PLXDC2: variants seen among roughly 807,000 people sequenced by gnomAD.
PLXDC2 encodes plexin domain containing 2.
Under a neutral mutation model 68.9 loss-of-function variants are expected in PLXDC2, and 40 were observed. That is an observed-to-expected ratio of 0.58 (90% confidence interval 0.45 to 0.76). The LOEUF is 0.76. PLXDC2 is among the 30% of genes least tolerant of loss of function. The pLI is 0.00. For synonymous variants in PLXDC2, 243 were observed against 234.2 expected, an observed-to-expected ratio of 1.04 and a Z score of -0.34; for missense variants, 644 against 661.9, an observed-to-expected ratio of 0.97 and a Z score of 0.30.
chr10:20,070,958 G>C (rs1009491651), intron 4 of PLXDC2: 2 of 148,062 alleles, frequency 1.4e-5, no homozygotes, highest in African/African-American at 5.1e-5. Flanking sequence ...CCTTTGTAAA[G>C]ATCCTCAAAA....
At chr10:20,259,559 A>G (rs1467078244) in intron 13 of PLXDC2, among the ~76,000 whole-genome samples, 2 of 152,234 alleles carry the variant, frequency 1.3e-5, no homozygotes, top group Admixed American at 6.5e-5. Flanking sequence ...ACTTCATGTA[A>G]TAACAAACCG....
Position 19,822,121 on chromosome 10 carries a change from A to G in PLXDC2, c.112+4930A>G, listed in dbSNP as rs371258017. ...ATCTTCTTTTTTAAAGCTAAATAATATTCCATTGTGCATATATATGCACTA... is the reference window on the plus strand; with the variant it reads ...ATCTTCTTTTTTAAAGCTAAATAATGTTCCATTGTGCATATATATGCACTA... On this transcript the variant is annotated intron_variant, in intron 1 of 13. Coordinates refer to ENST00000377252, the MANE Select transcript of PLXDC2 (RefSeq NM_032812.9). 3.3e-5 allele frequency among the ~76,000 whole-genome samples: 5 copies of G among 151,316 alleles called. No individual in the cohort carries two copies. The East Asian group carries it at 7.8e-4, about 23-fold the overall frequency.
rs771416347 is a variant in PLXDC2, at chr10:20,068,154, GTGT to G, written c.472-11_472-9del. 3 of 1,603,198 alleles carry G rather than the reference GTGT, an allele frequency of 1.9e-6. No homozygotes were observed. Among genetic ancestry groups the G allele is most frequent in the Non-Finnish European group, 2.6e-6 (3 of 1,171,390 alleles). On this transcript the variant is annotated splice_polypyrimidine_tract_variant and intron_variant, in intron 3 of 13. Transcript: ENST00000377252. ...TACACATTATTGATTTTTTTCTCTG[GTGT>G]TGTTCTTTGCAGAGAGTGAATCTGT...
intron 13 of PLXDC2, among the ~76,000 whole-genome samples, chr10:20,265,430 A>G (rs148024198): frequency 1.3e-4 from 20 of 152,316 alleles, no homozygotes; most frequent in African/African-American, 4.8e-4. Flanking sequence ...TCATTTGGCA[A>G]CAAACATTTT....
At chr10:19,821,470 T>C (rs1404487595) in intron 1 of PLXDC2, among the ~76,000 whole-genome samples, 1 of 152,244 alleles carries the variant, frequency 6.6e-6, no homozygotes, top group Non-Finnish European at 1.5e-5. Flanking sequence ...TAGGGTTTCC[T>C]TTTCTTTCCA....
intron 12 of PLXDC2, among the ~76,000 whole-genome samples, chr10:20,230,767 C>CA (rs1279231737): frequency 5.0e-3 from 329 of 65,190 alleles, no homozygotes; most frequent in African/African-American, 0.013. Flanking sequence ...TTAAGTTAGA[C>CA]AAAAAAAAAA....
intron 1 of PLXDC2, among the ~76,000 whole-genome samples, chr10:19,854,096 G>A (rs1283938296): frequency 1.3e-5 from 2 of 152,152 alleles, no homozygotes; most frequent in African/African-American, 2.4e-5. Flanking sequence ...CAGGAGACAA[G>A]GCTATCACAG....
chr10:19,860,857 G>A (rs904200306), intron 1 of PLXDC2, among the ~76,000 whole-genome samples: 1 of 152,106 alleles, frequency 6.6e-6, no homozygotes, highest in Non-Finnish European at 1.5e-5. Context: ...TGGGAGCCAG[G>A]TTTATCTAAT....
chr10:20,038,050 A>G (rs1835610618), intron 2 of PLXDC2, among the ~76,000 whole-genome samples: 2 of 152,162 alleles, frequency 1.3e-5, no homozygotes, highest in African/African-American at 2.4e-5. Flanking sequence ...TGAGGCTAAC[A>G]TGGTGAAACC....
intron 1 of PLXDC2, among the ~76,000 whole-genome samples, chr10:19,878,329 G>A (rs1837671464): frequency 6.6e-6 from 1 of 151,552 alleles, no homozygotes; most frequent in Non-Finnish European, 1.5e-5. Flanking sequence ...AGCCTCCTAA[G>A]TATCTGAACT....
At chr10:20,205,709 A>G (rs1589680127) in intron 9 of PLXDC2, among the ~76,000 whole-genome samples, 1 of 152,160 alleles carries the variant, frequency 6.6e-6, no homozygotes, top group East Asian at 1.9e-4. Flanking sequence ...GTACAAAGGT[A>G]TAATTAGGTA....
chr10:20,255,111 A>G (rs1487942645), intron 13 of PLXDC2, among the ~76,000 whole-genome samples: 1 of 152,120 alleles, frequency 6.6e-6, no homozygotes, highest in Non-Finnish European at 1.5e-5. Flanking sequence ...TTACTAATTA[A>G]TTCCCTAATT....
chr10:20,264,238 C>T (rs1460465653), intron 13 of PLXDC2, among the ~76,000 whole-genome samples: 1 of 152,174 alleles, frequency 6.6e-6, no homozygotes, highest in African/African-American at 2.4e-5. Context: ...ACTGCATGTC[C>T]TCACTTATTA....
At chr10:20,121,062 GC>G (rs757310204) in intron 4 of PLXDC2, among the ~76,000 whole-genome samples, 93 of 152,328 alleles carry the variant, frequency 6.1e-4, no homozygotes, top group Non-Finnish European at 1.0e-3. Flanking sequence ...TGAAGTCCGG[GC>G]CAGGAACAAT....
intron 2 of PLXDC2, among the ~76,000 whole-genome samples, chr10:20,044,115 CCTTCCTT>C: frequency 7.3e-6 from 1 of 136,398 alleles, no homozygotes. Context: ...TTCCTTCCTT[CCTTCCTT>C]CCTCCCTCCC....
At chr10:19,856,843 C>G (rs1015096537) in intron 1 of PLXDC2, among the ~76,000 whole-genome samples, 1 of 152,086 alleles carries the variant, frequency 6.6e-6, no homozygotes. Context: ...TAATTGCATC[C>G]TTGAAGATAC....
intron 6 of PLXDC2, among the ~76,000 whole-genome samples, chr10:20,149,729 G>T (rs1287935557): frequency 2.0e-5 from 3 of 151,996 alleles, no homozygotes; most frequent in African/African-American, 7.2e-5. Flanking sequence ...GCTCCATCCA[G>T]GTCCCTACAG....
At chr10:19,941,469 C>T (rs1447296452) in intron 1 of PLXDC2, among the ~76,000 whole-genome samples, 6 of 152,180 alleles carry the variant, frequency 3.9e-5, no homozygotes, top group Non-Finnish European at 7.3e-5. Flanking sequence ...ATGGGCAGAG[C>T]ATTTTGTTGG....
At chr10:19,824,895 G>A (rs1187977094) in intron 1 of PLXDC2, among the ~76,000 whole-genome samples, 1 of 152,136 alleles carries the variant, frequency 6.6e-6, no homozygotes, top group Non-Finnish European at 1.5e-5. Context: ...AGAATTAGAG[G>A]TCTTGTCAGG....
Sources: gnomAD v4.1 joint callset for allele counts (sites outside exome capture counted in the v4.1 genomes callset) on GRCh38, gnomAD v4.1.1 for gene constraint, MANE v1.5 for transcripts, NCBI Gene and HGNC (gene_info 2026-07-23, HGNC 2026-07-21) for gene names.